The following MEGF8 variants were observed in gnomAD, a reference collection of about 807,000 sequenced individuals.
MEGF8 encodes multiple epidermal growth factor-like domains protein 8.
MEGF8 carries 156 observed loss-of-function variants against 302.9 expected under a neutral mutation model. The observed-to-expected ratio is 0.52, with a 90% CI of 0.45 to 0.59. The LOEUF is 0.59. Ranked by LOEUF, MEGF8 falls within the 20% of genes least tolerant of loss-of-function variation. The probability of loss-of-function intolerance (pLI) is 0.00; values close to 1 mark genes in which losing one functional copy is unlikely to be tolerated. For synonymous variants in MEGF8, 1,621 were observed against 1,660.5 expected (o/e 0.98, Z 0.58); for missense variants, 3,345 against 3,964.5 (o/e 0.84, Z 4.20).
intron 3 of MEGF8, 65 bp from the exon 4 acceptor site, chr19:42,334,970 T>C (rs376100713): frequency 2.4e-5 from 36 of 1,486,788 alleles, no homozygotes; most frequent in Admixed American, 2.1e-4. Flanking sequence ...TCTCTGTGTC[T>C]CCTTTGTCTC....
chr19:42,376,420 C>G lies in MEGF8; in HGVS notation c.8183C>G (p.Ser2728Cys). The G allele has an allele frequency of 6.2e-7, 1 of 1,612,538 alleles. No individual in the cohort carries two copies. The highest frequency in any genetic ancestry group is 1.1e-5 in the South Asian group (1 of 91,038). ...CTCCCACCTCCCGCCTTCCGCCGCTCTGAGCCCTTCCTGGCACCCCTGCTG... is the reference window on the plus strand; with the variant it reads ...CTCCCACCTCCCGCCTTCCGCCGCTGTGAGCCCTTCCTGGCACCCCTGCTG... Reference protein sequence around the residue: ...AGLPPPAFRRSEPFLAPLLLT... With the variant: ...AGLPPPAFRRCEPFLAPLLLT... Residue 2728 changes from serine to cysteine, a missense_variant, in exon 42 of 42, where the codon TCT (serine) becomes TGT (cysteine). Coordinates refer to ENST00000251268, the MANE Select transcript of MEGF8 (RefSeq NM_001271938.2). This position sits in a 1 kb window ranked among gnomAD's most constrained non-coding sequence, Gnocchi z 8.2.
rs2038978184 is a variant in MEGF8, at chr19:42,325,961, T to G, written c.-283T>G. The G allele has an allele frequency of 1.1e-5, 4 of 365,866 alleles. No homozygotes were observed. Among genetic ancestry groups the G allele is most frequent in the African/African-American group, 2.1e-5 (1 of 47,764 alleles). 22.7% of individuals were successfully genotyped at this position (365,866 alleles called of 1,614,324 possible). A position where few individuals can be genotyped will look rare whatever the true frequency, so the allele number is the denominator to read the frequency against. ...GGGATCGGCCCCCTATGGAGCCCTG[T>G]GTCTATAGGGGACTCCTACGGTCCC... On this transcript the variant is annotated 5_prime_UTR_variant, in exon 1 of 42. Transcript: ENST00000251268.
chr19:42,353,425 C>G lies in MEGF8; in HGVS notation c.3551-40C>G. On this transcript the variant is annotated intron_variant, in intron 20 of 41. Transcript: ENST00000251268. The surrounding 1 kb of genome is among the most constrained non-coding windows in gnomAD (Gnocchi z 6.1). ...CCAGTAGGCCTGGGCCTGTTTCCAC[C>G]CTTGACTTGACTCTGTCCCACCTGC... The G allele has an allele frequency of 3.1e-6, 5 of 1,594,802 alleles. No individual in the cohort carries two copies. The highest frequency in any genetic ancestry group is 4.3e-6 in the Non-Finnish European group (5 of 1,171,706).
rs993849381 is a variant in MEGF8, at chr19:42,337,189, C to T, written c.1496C>T (p.Pro499Leu). 4.3e-6 allele frequency: 7 copies of T among 1,613,672 alleles called. No homozygotes were observed. The Admixed American group carries it at 6.7e-5, about 15-fold the overall frequency. The change falls in exon 8 of 42, where the codon CCG (proline) becomes CTG (leucine). Residue 499 changes from proline (P) to leucine (L), a missense_variant. Coordinates refer to ENST00000251268, the MANE Select transcript of MEGF8 (RefSeq NM_001271938.2). ...TGGGTGTCAGGAGCTGAGCTTGCCCCGCCAGGAACCCCTGAGGGTGAGTGG... is the reference window on the plus strand; with the variant it reads ...TGGGTGTCAGGAGCTGAGCTTGCCCTGCCAGGAACCCCTGAGGGTGAGTGG... Reference protein sequence around the residue: ...HQWVSGAELAPPGTPEGRAAP... With the variant: ...HQWVSGAELALPGTPEGRAAP...
At chr19:42,348,147 C>G (rs1264725570) in intron 12 of MEGF8, 125 bp from the exon 13 acceptor site, 15 of 896,982 alleles carry the variant, frequency 1.7e-5, no homozygotes, top group Non-Finnish European at 2.5e-5. Context: ...ACCCCTGTCC[C>G]TCTGCCTCAG....
In MEGF8 at chr19:42,357,758, C is replaced by A. The variant is rs1279403223; in HGVS notation, c.5011+174C>A. On this transcript the variant is annotated intron_variant, in intron 28 of 41. Transcript: ENST00000251268. The surrounding 1 kb of genome is among the most constrained non-coding windows in gnomAD (Gnocchi z 5.2). Reference sequence around the variant, plus strand: ...ATGTTCAGATTTTCTGACTGTCCTTCCCAGACTCCACAACTAACTGCCCAC... The same window carrying A: ...ATGTTCAGATTTTCTGACTGTCCTTACCAGACTCCACAACTAACTGCCCAC... 6.6e-6 allele frequency among the ~76,000 whole-genome samples: 1 copy of A among 152,118 alleles called. No homozygotes were observed. Among genetic ancestry groups the A allele is most frequent in the Non-Finnish European group, 1.5e-5 (1 of 68,008 alleles).
chr19:42,368,388 G>A lies in MEGF8; in HGVS notation c.6274-67G>A, dbSNP rs2147506132. ...TGTGGTCTGGGAAGATACCCAGAAT[G>A]TGTTTGTTTAAGCTTATTTCCCCAT... On this transcript the variant is annotated intron_variant, in intron 35 of 41. Coordinates refer to ENST00000251268, the MANE Select transcript of MEGF8 (RefSeq NM_001271938.2). The surrounding 1 kb of genome is among the most constrained non-coding windows in gnomAD (Gnocchi z 4.9). 8.1e-6 allele frequency: 11 copies of A among 1,365,246 alleles called. No homozygotes were observed. In the South Asian group the frequency reaches 9.8e-5, roughly 12 times the overall value. 84.6% of individuals were successfully genotyped at this position (1,365,246 alleles called of 1,614,324 possible). A position where few individuals can be genotyped will look rare whatever the true frequency, so the allele number is the denominator to read the frequency against.
intron 12 of MEGF8, among the ~76,000 whole-genome samples, chr19:42,347,717 C>T (rs555021933): frequency 6.6e-6 from 1 of 152,166 alleles, no homozygotes; most frequent in Admixed American, 6.5e-5. Context: ...GTCTTGAACT[C>T]CTGACCTCAA....
In MEGF8 at chr19:42,335,829, C is replaced by T. The variant is rs377209062; in HGVS notation, c.829-102C>T. The T allele has an allele frequency of 1.8e-5, 20 of 1,125,578 alleles. 1 individual carries two copies. Among genetic ancestry groups the T allele is most frequent in the South Asian group, 1.4e-4 (8 of 55,790 alleles). The allele number at this position is 1,125,578 out of a possible 1,614,324, so 69.7% of individuals were successfully genotyped here. A position where few individuals can be genotyped will look rare whatever the true frequency, so the allele number is the denominator to read the frequency against. On this transcript the variant is annotated intron_variant, in intron 5 of 41. Transcript: ENST00000251268. ...TTTCTCTTTGTCTCTGTCTTTATCTCGCCTTCTCTCCATGTTTCTCTGGCT... is the reference window on the plus strand; with the variant it reads ...TTTCTCTTTGTCTCTGTCTTTATCTTGCCTTCTCTCCATGTTTCTCTGGCT...
At chr19:42,341,726 C>T (rs962841534) in intron 8 of MEGF8, among the ~76,000 whole-genome samples, 8 of 152,178 alleles carry the variant, frequency 5.3e-5, no homozygotes, top group African/African-American at 1.7e-4. Context: ...TGATTATAGA[C>T]GTGAACTACC....
chr19:42,377,023 A>C lies in MEGF8; in HGVS notation c.*248A>C. On this transcript the variant is annotated 3_prime_UTR_variant, in exon 42 of 42. Transcript: ENST00000251268. ...CCAAGAGACGAGGTTCCCTGATCTC[A>C]TGGGACTTAGGTTCTGGTGAAGGGA... The C allele has an allele frequency of 5.5e-5, 24 of 436,258 alleles. No individual in the cohort carries two copies. Among genetic ancestry groups the C allele is most frequent in the Non-Finnish European group, 5.6e-5 (14 of 250,650 alleles). The allele number at this position is 436,258 out of a possible 1,614,324, so 27.0% of individuals were successfully genotyped here.
intron 1 of MEGF8, among the ~76,000 whole-genome samples, chr19:42,332,398 G>A (rs139085570): frequency 0.03 from 4,613 of 151,306 alleles, 221 homozygotes; most frequent in African/African-American, 0.11. Flanking sequence ...ACGAAGTCTC[G>A]CTCTTGTCCC....
chr19:42,353,222 CCT>C lies in MEGF8; in HGVS notation c.3550+99_3550+100del. ...CTCTTCTTGGAGGGGGCCTCAGTGT[CCT>C]CTCATGCAGCTCTAGGTCCCCTGCC... On this transcript the variant is annotated intron_variant, in intron 20 of 41. Transcript: ENST00000251268. The surrounding 1 kb of genome is among the most constrained non-coding windows in gnomAD (Gnocchi z 6.1). 2 of 1,222,940 alleles carry C rather than the reference CCT, an allele frequency of 1.6e-6. No individual in the cohort carries two copies. The highest frequency in any genetic ancestry group is 2.2e-6 in the Non-Finnish European group (2 of 892,390). 75.8% of individuals were successfully genotyped at this position (1,222,940 alleles called of 1,614,324 possible). A position where few individuals can be genotyped will look rare whatever the true frequency, so the allele number is the denominator to read the frequency against.
chr19:42,348,915 C>G (rs754960577), intron 13 of MEGF8, among the ~76,000 whole-genome samples: 1 of 152,002 alleles, frequency 6.6e-6, no homozygotes, highest in East Asian at 1.9e-4. Flanking sequence ...ATGGATCTTT[C>G]GTAGAGGAGG....
chr19:42,375,873 G>T lies in MEGF8; in HGVS notation c.7636G>T (p.Ala2546Ser), dbSNP rs757641182. The T allele has an allele frequency of 1.2e-6, 2 of 1,606,224 alleles. No homozygotes were observed. Among genetic ancestry groups the T allele is most frequent in the African/African-American group, 1.3e-5 (1 of 74,924 alleles). Residue 2546 changes from alanine (A) to serine (S), a missense_variant, in exon 42 of 42, where the codon GCT (alanine) becomes TCT (serine). Coordinates refer to ENST00000251268, the MANE Select transcript of MEGF8 (RefSeq NM_001271938.2). This position sits in a 1 kb window ranked among gnomAD's most constrained non-coding sequence, Gnocchi z 7.1. ...PPPADGGPRGAGDPGGAGASS... is the reference protein window; with the variant it reads ...PPPADGGPRGSGDPGGAGASS... Reference sequence around the variant, plus strand: ...CCCTGCAGATGGTGGGCCCCGGGGGGCTGGGGATCCAGGAGGAGCAGGGGC... The same window carrying T: ...CCCTGCAGATGGTGGGCCCCGGGGGTCTGGGGATCCAGGAGGAGCAGGGGC...
rs1231126033 is a variant in MEGF8 at position 42,358,479 on chromosome 19, G to A, written c.5175+172G>A. Among the ~76,000 whole-genome samples, 1 of 152,166 alleles carries A rather than the reference G, an allele frequency of 6.6e-6. No individual in the cohort carries two copies. Among genetic ancestry groups the A allele is most frequent in the East Asian group, 1.9e-4 (1 of 5,190 alleles). The stretch of plus-strand genomic sequence containing the variant: ...CCGCTTCCATCCCTGATTTGGAGGA[G>A]AGAACCCGAGGCCAGGAGGTCAGAG... On this transcript the variant is annotated intron_variant, in intron 29 of 41. Coordinates refer to ENST00000251268, the MANE Select transcript of MEGF8 (RefSeq NM_001271938.2). The surrounding 1 kb of genome is among the most constrained non-coding windows in gnomAD (Gnocchi z 4.4).
rs2039251163 is a variant in MEGF8, at chr19:42,343,962, G to A, written c.1677G>A (p.Leu559=). The change falls in exon 10 of 42, where the codon TTG becomes TTA. Residue 559 remains leucine (L), a synonymous_variant. Transcript: ENST00000251268. The stretch of plus-strand genomic sequence containing the variant: ...CCCTTGCCTCCCTGCAGTACCACTT[G>A]GACTACTGCTCCATGTACACAGACC... ...VFQAPAPDYH[L]DYCSMYTDHS... 1.9e-6 allele frequency: 3 copies of A among 1,613,542 alleles called. 1 individual carries two copies. Among genetic ancestry groups the A allele is most frequent in the East Asian group, 4.5e-5 (2 of 44,870 alleles).
chr19:42,348,496 G>A (rs1381836068), intron 13 of MEGF8, 24 bp downstream of exon 13: 1 of 1,496,096 alleles, frequency 6.7e-7, no homozygotes, highest in Non-Finnish European at 8.9e-7. Flanking sequence ...GGACATTCAG[G>A]GGGTTGTTTA....
intron 5 of MEGF8, 104 bp from the exon 6 acceptor site, chr19:42,335,827 C>A: frequency 9.0e-7 from 1 of 1,111,512 alleles, no homozygotes; most frequent in Non-Finnish European, 1.2e-6. Context: ...CTGTCTTTAT[C>A]TCGCCTTCTC....
Sources: allele counts gnomAD v4.1 joint callset (sites outside exome capture counted in the v4.1 genomes callset), GRCh38; gene constraint gnomAD v4.1.1; non-coding constraint Gnocchi (gnomAD v3.1); transcripts MANE v1.5; gene names NCBI Gene and HGNC (gene_info 2026-07-23, HGNC 2026-07-21).